C4orf36: variants seen among roughly 807,000 people sequenced by gnomAD.
C4orf36 encodes the protein chromosome 4 open reading frame 36.
Under a neutral mutation model 12.2 loss-of-function variants are expected in C4orf36, and 11 were observed. That is an observed-to-expected ratio of 0.90 (90% CI 0.57 to 1.49). The LOEUF is 1.49. Among genes scored for constraint, C4orf36 ranks in the 40% most tolerant of loss-of-function variants. The probability of loss-of-function intolerance (pLI) is 0.00; values close to 1 mark genes in which losing one functional copy is unlikely to be tolerated. For synonymous variants in C4orf36, 54 were observed against 51.3 expected (o/e 1.05, Z -0.22); for missense variants, 137 against 133.9 (o/e 1.02, Z -0.11).
intron 4 of C4orf36, among the ~76,000 whole-genome samples, chr4:86,882,011 T>C (rs1367883882): frequency 6.6e-6 from 1 of 152,200 alleles, no homozygotes; most frequent in Non-Finnish European, 1.5e-5. Context: ...GTCTATTGAG[T>C]GCCTATATGA....
At chr4:86,918,944 G>A in the C4orf36 span, among the ~76,000 whole-genome samples, 1 of 152,100 alleles carries the variant, frequency 6.6e-6, no homozygotes, top group Non-Finnish European at 1.5e-5. Context: ...TGCTGGTAGT[G>A]TGACTCAGTC....
chr4:86,880,100 C>T (rs1747015765), intron 4 of C4orf36, among the ~76,000 whole-genome samples: 1 of 152,194 alleles, frequency 6.6e-6, no homozygotes. Flanking sequence ...GCAATCCTCC[C>T]ACCTTGGCCT....
the C4orf36 span, among the ~76,000 whole-genome samples, chr4:86,932,040 GAAAAAAA>G: frequency 1.6e-5 from 1 of 62,530 alleles, no homozygotes; most frequent in African/African-American, 6.2e-5. Context: ...GTCTCAAAAA[GAAAAAAA>G]AAAAAAAAAA....
At chr4:86,894,052 A>C (rs1747534350), upstream of C4orf36, among the ~76,000 whole-genome samples, 1 of 151,630 alleles carries the variant, frequency 6.6e-6, no homozygotes. Context: ...GCCCGCCACC[A>C]CGCCCAGCTG....
At chr4:86,890,040 A>T (rs1747330833) in intron 2 of C4orf36, 1 of 454,046 alleles carries the variant, frequency 2.2e-6, no homozygotes, top group African/African-American at 2.0e-5. Flanking sequence ...AAAATAAAAC[A>T]AACTCACCGG....
chr4:86,892,818 C>T (rs1271222409), upstream of C4orf36, among the ~76,000 whole-genome samples: 3 of 152,238 alleles, frequency 2.0e-5, no homozygotes, highest in African/African-American at 7.2e-5. Flanking sequence ...CAGAGCAAGA[C>T]AGCATCAATT....
At chr4:86,930,869 A>C in the C4orf36 span, among the ~76,000 whole-genome samples, 1 of 152,228 alleles carries the variant, frequency 6.6e-6, no homozygotes, top group Non-Finnish European at 1.5e-5. Context: ...AATTATAATA[A>C]TTGTGCACCT....
At chr4:86,877,519 C>A (rs979016139) in intron 4 of C4orf36, among the ~76,000 whole-genome samples, 2 of 152,214 alleles carry the variant, frequency 1.3e-5, no homozygotes, top group East Asian at 3.8e-4. Context: ...CAAATTTGGA[C>A]TAGGAATGTT....
At chr4:86,888,361 C>T (rs1467588198) in intron 2 of C4orf36, 86 bp from the exon 3 acceptor site, 12 of 1,338,632 alleles carry the variant, frequency 9.0e-6, no homozygotes, top group East Asian at 2.4e-5. Flanking sequence ...TTCTCAGTTC[C>T]ATTTGCCACT....
chr4:86,911,304 C>A, the C4orf36 span, among the ~76,000 whole-genome samples: 1 of 152,086 alleles, frequency 6.6e-6, no homozygotes, highest in Non-Finnish European at 1.5e-5. Context: ...ATAGGAATTT[C>A]CCCTGCTTAT....
At chr4:86,879,776 T>C (rs986066272) in intron 4 of C4orf36, among the ~76,000 whole-genome samples, 2 of 151,992 alleles carry the variant, frequency 1.3e-5, no homozygotes, top group Admixed American at 6.6e-5. Context: ...GAGAGAATCT[T>C]GAAAGCAGCA....
chr4:86,933,822 G>T, the C4orf36 span, among the ~76,000 whole-genome samples: 3 of 152,182 alleles, frequency 2.0e-5, no homozygotes, highest in Non-Finnish European at 2.9e-5. Context: ...ACACCACCAG[G>T]TTTCATCAGG....
intron 2 of C4orf36, among the ~76,000 whole-genome samples, chr4:86,890,950 C>G (rs1429661088): frequency 6.6e-6 from 1 of 152,150 alleles, no homozygotes; most frequent in Non-Finnish European, 1.5e-5. Context: ...TTGGAGCCCA[C>G]GTCTTCTTGA....
At chr4:86,899,940 C>T in the C4orf36 span, among the ~76,000 whole-genome samples, 1 of 152,190 alleles carries the variant, frequency 6.6e-6, no homozygotes, top group Non-Finnish European at 1.5e-5. Flanking sequence ...CTTGAAACCC[C>T]ACAAGCAGAG....
chr4:86,896,028 T>G (rs1184527713), upstream of C4orf36, among the ~76,000 whole-genome samples: 1 of 152,242 alleles, frequency 6.6e-6, no homozygotes, highest in Non-Finnish European at 1.5e-5. Context: ...ATTTACTATG[T>G]TTTGAGTACT....
chr4:86,913,206 G>A, the C4orf36 span: 1 of 479,374 alleles, frequency 2.1e-6, no homozygotes, highest in South Asian at 1.8e-5. Flanking sequence ...CAGCACAGCT[G>A]TGATCTTCCA....
At chr4:86,917,403 GAA>G in the C4orf36 span, among the ~76,000 whole-genome samples, 7 of 134,224 alleles carry the variant, frequency 5.2e-5, no homozygotes, top group Non-Finnish European at 1.1e-4. Flanking sequence ...GAAGGAGAGA[GAA>G]AGAGAGGAAG....
chr4:86,923,771 A>G, the C4orf36 span, among the ~76,000 whole-genome samples: 1 of 152,068 alleles, frequency 6.6e-6, no homozygotes, highest in East Asian at 1.9e-4. Flanking sequence ...CTCAAAAAAA[A>G]AAAAAAAAAA....
chr4:86,922,613 T>C, the C4orf36 span, among the ~76,000 whole-genome samples: 2 of 152,084 alleles, frequency 1.3e-5, no homozygotes, highest in Non-Finnish European at 1.5e-5. Context: ...CCTTCCTAGA[T>C]CTCCTTGTTG....
Sources: allele counts gnomAD v4.1 joint callset (sites outside exome capture counted in the v4.1 genomes callset), GRCh38; gene constraint gnomAD v4.1.1; transcripts MANE v1.5; gene names NCBI Gene and HGNC (gene_info 2026-07-23, HGNC 2026-07-21).